TOGARAM2: variants seen among roughly 807,000 people sequenced by gnomAD.
TOGARAM2 encodes the protein TOG array regulator of axonemal microtubules 2, also known as TOG array regulator of axonemal microtubules protein 2.
In TOGARAM2, 85 loss-of-function variants were observed where a neutral mutation model predicts 93.3. That is an observed-to-expected ratio of 0.91 (90% CI 0.76 to 1.09). The LOEUF is 1.09. TOGARAM2 is among the 50% of genes least tolerant of loss of function. TOGARAM2 has a pLI of 0.00. For synonymous variants in TOGARAM2, 593 were observed against 552.8 expected (o/e 1.07, Z -1.02); for missense variants, 1,277 against 1,334.5 (o/e 0.96, Z 0.67).
chr2:28,992,740 T>C (rs895440063), intron 1 of TOGARAM2, among the ~76,000 whole-genome samples: 1 of 152,194 alleles, frequency 6.6e-6, no homozygotes, highest in African/African-American at 2.4e-5. Flanking sequence ...AGACCAGTGA[T>C]TTTTTGATCC....
intron 1 of TOGARAM2, among the ~76,000 whole-genome samples, chr2:28,993,633 A>G (rs1332305154): frequency 6.6e-6 from 1 of 152,250 alleles, no homozygotes; most frequent in Non-Finnish European, 1.5e-5. Context: ...CTCCTCAGAC[A>G]GGGAACTCAT....
At chr2:29,024,508 G>C (rs1463631365) in intron 13 of TOGARAM2, 134 bp downstream of exon 13, 2 of 819,628 alleles carry the variant, frequency 2.4e-6, no homozygotes, top group Admixed American at 4.5e-5. Flanking sequence ...AGGCTGCAGG[G>C]GGTCCCTTGA....
At position 29,005,749 on chromosome 2, in the gene TOGARAM2, GTA is replaced by G. The variant is rs1491503392; in HGVS notation, c.830+2069_830+2070del. On this transcript the variant is annotated intron_variant, in intron 6 of 19. Coordinates refer to ENST00000379558, the MANE Select transcript of TOGARAM2 (RefSeq NM_199280.4). ...CATGTGTGTGAGCACATATATGTGTGTATGTGTGTGTGTGAGTACATGTGTGG... is the reference window on the plus strand; with the variant it reads ...CATGTGTGTGAGCACATATATGTGTGTGTGTGTGTGTGAGTACATGTGTGG... 8.6e-3 allele frequency among the ~76,000 whole-genome samples: 118 copies of G among 13,708 alleles called. 11 individuals carry two copies. The highest frequency in any genetic ancestry group is 0.012 in the African/African-American group (109 of 9,268). The allele number at this position is 13,708 out of a possible 152,430, so 9.0% of individuals were successfully genotyped here.
At chr2:29,005,813 T>A (rs1663728141) in intron 6 of TOGARAM2, among the ~76,000 whole-genome samples, 2 of 148,394 alleles carry the variant, frequency 1.3e-5, no homozygotes, top group South Asian at 4.2e-4. Context: ...TGCATGTGTG[T>A]GAGTGCATGT....
chr2:28,984,102 AG>A (rs1341495565), intron 1 of TOGARAM2, among the ~76,000 whole-genome samples: 1 of 151,578 alleles, frequency 6.6e-6, no homozygotes, highest in Non-Finnish European at 1.5e-5. Flanking sequence ...CATACTTCTT[AG>A]TGTTTGAATT....
intron 1 of TOGARAM2, among the ~76,000 whole-genome samples, chr2:28,988,967 C>T (rs1261312024): frequency 6.6e-6 from 1 of 152,220 alleles, no homozygotes; most frequent in Non-Finnish European, 1.5e-5. Context: ...CCCTTAGGGT[C>T]TCCCCTTCTC....
At chr2:28,991,375 G>A (rs1282483732) in intron 1 of TOGARAM2, among the ~76,000 whole-genome samples, 16 of 152,170 alleles carry the variant, frequency 1.1e-4, no homozygotes, top group Non-Finnish European at 1.6e-4. Flanking sequence ...TCTTCCGAGA[G>A]TGTGTCAGTG....
At chr2:29,008,806 G>A (rs541293076) in intron 6 of TOGARAM2, among the ~76,000 whole-genome samples, 1 of 152,334 alleles carries the variant, frequency 6.6e-6, no homozygotes, top group South Asian at 2.1e-4. Flanking sequence ...GAGCACCACA[G>A]GGCAGGGGCC....
chr2:29,021,536 C>T (rs904617204), intron 10 of TOGARAM2, among the ~76,000 whole-genome samples: 8 of 152,172 alleles, frequency 5.3e-5, no homozygotes, highest in Non-Finnish European at 1.5e-5. Flanking sequence ...GCATCTGTCT[C>T]CTGGGAAGGA....
intron 1 of TOGARAM2, among the ~76,000 whole-genome samples, chr2:28,994,028 G>A (rs934249048): frequency 1.3e-5 from 2 of 152,204 alleles, no homozygotes; most frequent in African/African-American, 4.8e-5. Context: ...CACCATTATC[G>A]CAGCAAAGGA....
chr2:29,023,845 T>G (rs1296046582), intron 12 of TOGARAM2, among the ~76,000 whole-genome samples: 3 of 152,230 alleles, frequency 2.0e-5, no homozygotes, highest in African/African-American at 7.2e-5. Flanking sequence ...GGTACCTATT[T>G]CTCACTTGGT....
chr2:28,988,429 G>A (rs1403668573), intron 1 of TOGARAM2, among the ~76,000 whole-genome samples: 1 of 151,912 alleles, frequency 6.6e-6, no homozygotes. Context: ...CTTCCTCCAG[G>A]GTCCGAGGAC....
chr2:29,017,934 C>T lies in TOGARAM2; in HGVS notation c.1338C>T (p.Pro446=), dbSNP rs777828513. 3.1e-6 allele frequency: 5 copies of T among 1,605,730 alleles called. No homozygotes were observed. In the African/African-American group the frequency reaches 6.7e-5, roughly 21 times the overall value. Residue 446 remains proline (P), a synonymous_variant, in exon 10 of 20, where the codon CCC becomes CCT. Coordinates refer to ENST00000379558, the MANE Select transcript of TOGARAM2 (RefSeq NM_199280.4). Reference sequence around the variant, plus strand: ...GCATCCCCATCAGCCGGCAGGAGCCCCGCTTTGCCCGCCACGCCTCAGGTG... The same window carrying T: ...GCATCCCCATCAGCCGGCAGGAGCCTCGCTTTGCCCGCCACGCCTCAGGTG... ...LPSIPISRQE[P]RFARHASANS...
At chr2:29,002,849 A>G in intron 5 of TOGARAM2, 102 bp downstream of exon 5, 1 of 1,132,792 alleles carries the variant, frequency 8.8e-7, no homozygotes, top group Non-Finnish European at 1.3e-6. Context: ...CCATGCCCTG[A>G]GCATCCCTGG....
intron 1 of TOGARAM2, among the ~76,000 whole-genome samples, chr2:28,990,403 C>T (rs772103157): frequency 6.6e-6 from 1 of 152,144 alleles, no homozygotes; most frequent in Admixed American, 6.5e-5. Flanking sequence ...CAGAGTTTCC[C>T]GGGGCTGCAG....
At chr2:29,042,890 G>A (rs1178825655) in intron 18 of TOGARAM2, among the ~76,000 whole-genome samples, 4 of 152,230 alleles carry the variant, frequency 2.6e-5, no homozygotes, top group African/African-American at 4.8e-5. Flanking sequence ...CCCATGTTAC[G>A]ACTGTGATAA....
At chr2:29,048,358 A>G (rs1666869660) in intron 19 of TOGARAM2, 1 of 152,176 alleles carries the variant, frequency 6.6e-6, no homozygotes, top group Non-Finnish European at 1.5e-5. Context: ...GAATTGTGTT[A>G]AAATACACAA....
rs556260939 is a variant in TOGARAM2 at position 28,969,906 on chromosome 2, G to A, written c.-147+13209G>A. ...CAGCTCACCACAACCTCTGCATCCC[G>A]GGTTCAAGCAATGCTCCCGCCTGAG... On this transcript the variant is annotated intron_variant, in intron 1 of 6. Coordinates refer to the TOGARAM2 transcript ENST00000401723. Among the ~76,000 whole-genome samples, 23 of 144,888 alleles carry A rather than the reference G, an allele frequency of 1.6e-4. No homozygotes were observed. In the South Asian group the frequency reaches 3.6e-3, roughly 22 times the overall value.
intron 1 of TOGARAM2, among the ~76,000 whole-genome samples, chr2:28,970,646 G>A (rs1414393313): frequency 2.0e-5 from 3 of 152,178 alleles, no homozygotes; most frequent in Non-Finnish European, 1.5e-5. Context: ...GGGCCATGGG[G>A]CTGTGTGTGC....
Sources: allele counts gnomAD v4.1 joint callset (sites outside exome capture counted in the v4.1 genomes callset), GRCh38; gene constraint gnomAD v4.1.1; transcripts MANE v1.5; gene names NCBI Gene and HGNC (gene_info 2026-07-23, HGNC 2026-07-21).